FNDC3B: variants seen among roughly 807,000 people sequenced by gnomAD.
FNDC3B encodes the protein fibronectin type III domain containing 3B, also known as fibronectin type III domain-containing protein 3B.
Under a neutral mutation model 151.5 loss-of-function variants are expected in FNDC3B, and 12 were observed. That is an observed-to-expected ratio of 0.08 (90% confidence interval 0.05 to 0.13). The LOEUF is 0.13. Ranked by LOEUF, FNDC3B falls within the 10% of genes least tolerant of loss-of-function variation. The probability of loss-of-function intolerance (pLI) is 1.00; values close to 1 mark genes in which losing one functional copy is unlikely to be tolerated. For missense variants in FNDC3B, 1,214 were observed against 1,505.3 expected (o/e 0.81, Z 3.20); for synonymous variants, 528 against 549.0 (o/e 0.96, Z 0.54).
chr3:172,330,397 T>C (rs1732583733), intron 12 of FNDC3B, 144 bp from the exon 13 acceptor site: 1 of 604,898 alleles, frequency 1.7e-6, no homozygotes, highest in African/African-American at 1.9e-5. Context: ...TTATAGGGAA[T>C]ATCACACACA....
rs575542122 is a variant in FNDC3B, at chr3:172,138,986, C to T, written c.187+5440C>T. Among the ~76,000 whole-genome samples the T allele has an allele frequency of 3.3e-5, 5 of 152,316 alleles. No homozygotes were observed. The East Asian group carries it at 9.6e-4, about 29-fold the overall frequency. On this transcript the variant is annotated intron_variant, in intron 3 of 25. Transcript: ENST00000415807. ...GCCTCAGTGAGTGTGGGAACTGTAT[C>T]GTTGATGAACATCATGCTCTGCCCA...
chr3:172,317,188 T>C (rs1323316153), intron 11 of FNDC3B: 4 of 439,986 alleles, frequency 9.1e-6, no homozygotes, highest in Middle Eastern at 3.3e-4. Flanking sequence ...TTTCTTTTTT[T>C]CTTTTTTTTT....
intron 23 of FNDC3B, among the ~76,000 whole-genome samples, chr3:172,373,117 C>T (rs1408233197): frequency 1.3e-5 from 2 of 152,166 alleles, no homozygotes; most frequent in Non-Finnish European, 2.9e-5. Flanking sequence ...TGTGACTCCT[C>T]GTGGAGTGCA....
At chr3:172,075,671 T>C (rs1478959231) in intron 1 of FNDC3B, among the ~76,000 whole-genome samples, 1 of 151,936 alleles carries the variant, frequency 6.6e-6, no homozygotes, top group African/African-American at 2.4e-5. Context: ...TTTTTCCACA[T>C]ATTTTTGAGT....
chr3:172,156,069 A>G (rs994252585), intron 3 of FNDC3B, among the ~76,000 whole-genome samples: 1 of 152,118 alleles, frequency 6.6e-6, no homozygotes, highest in Non-Finnish European at 1.5e-5. Flanking sequence ...GTAGGAGGCC[A>G]TGTCAGTGGG....
rs1359047607 is a variant in FNDC3B, at chr3:172,378,366, G to A, written c.3105G>A (p.Glu1035=). ...CYSFRIQAAS[E]AGEGPFSETY... is the part of the protein sequence containing the mutation. ...CCTTCAGAATCCAGGCAGCAAGCGA[G>A]GCTGGAGAAGGGCCCTTCTCAGAAA... The change falls in exon 24 of 26, where the codon GAG becomes GAA. Residue 1035 remains glutamate (E), a synonymous_variant. Transcript: ENST00000415807. 2.5e-6 allele frequency: 4 copies of A among 1,613,908 alleles called. No individual in the cohort carries two copies. Among genetic ancestry groups the A allele is most frequent in the Non-Finnish European group, 3.4e-6 (4 of 1,179,962 alleles).
At chr3:172,197,856 G>T (rs946433418) in intron 3 of FNDC3B, among the ~76,000 whole-genome samples, 1 of 152,160 alleles carries the variant, frequency 6.6e-6, no homozygotes, top group Non-Finnish European at 1.5e-5. Context: ...TGATCACTTT[G>T]ATCATTGACT....
chr3:172,153,853 T>C (rs1722352581), intron 3 of FNDC3B, among the ~76,000 whole-genome samples: 1 of 152,132 alleles, frequency 6.6e-6, no homozygotes, highest in Non-Finnish European at 1.5e-5. Context: ...TTGGTGGCGA[T>C]GTGAGCTCTT....
chr3:172,353,507 T>A (rs897179245), intron 22 of FNDC3B, among the ~76,000 whole-genome samples: 2 of 152,266 alleles, frequency 1.3e-5, no homozygotes, highest in Non-Finnish European at 2.9e-5. Flanking sequence ...CGTTGACTTT[T>A]ATTAAACAAC....
At chr3:172,282,796 A>T (rs773745758) in intron 6 of FNDC3B, among the ~76,000 whole-genome samples, 3 of 152,204 alleles carry the variant, frequency 2.0e-5, no homozygotes, top group Non-Finnish European at 4.4e-5. Context: ...TTCATGATAC[A>T]GTCAAAGGTT....
At chr3:172,179,837 A>C (rs1723792802) in intron 3 of FNDC3B, among the ~76,000 whole-genome samples, 1 of 142,998 alleles carries the variant, frequency 7.0e-6, no homozygotes, top group Admixed American at 7.1e-5. Context: ...CAGCCCAGGC[A>C]ACAGAGTGAG....
intron 23 of FNDC3B, among the ~76,000 whole-genome samples, chr3:172,373,298 ATAG>A (rs1264053434): frequency 3.3e-5 from 5 of 152,140 alleles, no homozygotes; most frequent in Non-Finnish European, 1.5e-5. Context: ...TGAAGTATTA[ATAG>A]TAGTGATCAG....
chr3:172,304,073 A>ATT (rs1731070531), intron 9 of FNDC3B, among the ~76,000 whole-genome samples: 1 of 152,160 alleles, frequency 6.6e-6, no homozygotes, highest in Non-Finnish European at 1.5e-5. Context: ...TCAAATTTCT[A>ATT]ACCTGCATCA....
chr3:172,241,891 C>T (rs1727512571), intron 4 of FNDC3B, among the ~76,000 whole-genome samples: 1 of 152,216 alleles, frequency 6.6e-6, no homozygotes, highest in Non-Finnish European at 1.5e-5. Context: ...TCATCTGAGA[C>T]AAAGCAAGTC....
At chr3:172,287,741 G>A (rs1391180684) in intron 7 of FNDC3B, among the ~76,000 whole-genome samples, 1 of 152,184 alleles carries the variant, frequency 6.6e-6, no homozygotes, top group African/African-American at 2.4e-5. Flanking sequence ...TCTGTTTCTT[G>A]TGGGTGAGAT....
At chr3:172,334,049 C>A (rs576445625) in intron 14 of FNDC3B, among the ~76,000 whole-genome samples, 1 of 152,106 alleles carries the variant, frequency 6.6e-6, no homozygotes, top group African/African-American at 2.4e-5. Flanking sequence ...GACAAGTGTG[C>A]GTTTTGGAAG....
intron 3 of FNDC3B, among the ~76,000 whole-genome samples, chr3:172,189,731 G>A (rs1180388092): frequency 1.4e-5 from 2 of 147,564 alleles, no homozygotes; most frequent in African/African-American, 5.0e-5. Context: ...AGCCTGGGAG[G>A]TTGAGGCTGC....
At chr3:172,159,446 G>T (rs1242831866) in intron 3 of FNDC3B, among the ~76,000 whole-genome samples, 2 of 152,144 alleles carry the variant, frequency 1.3e-5, no homozygotes, top group Non-Finnish European at 2.9e-5. Context: ...ACTCTAAAGT[G>T]AATTTTATCT....
chr3:172,379,818 T>C (rs1454754670), intron 24 of FNDC3B, among the ~76,000 whole-genome samples: 1 of 152,108 alleles, frequency 6.6e-6, no homozygotes, highest in Non-Finnish European at 1.5e-5. Flanking sequence ...CTCAAAGTGA[T>C]TCTTGGTGGG....
Sources: allele counts gnomAD v4.1 joint callset (sites outside exome capture counted in the v4.1 genomes callset), GRCh38; gene constraint gnomAD v4.1.1; transcripts MANE v1.5; gene names NCBI Gene and HGNC (gene_info 2026-07-23, HGNC 2026-07-21).